Variants in ZNF385D observed in about 807,000 individuals in gnomAD.
The protein encoded by ZNF385D is zinc finger protein 659.
ZNF385D carries 15 observed loss-of-function variants against 35.8 expected under a neutral mutation model. That is an observed-to-expected ratio of 0.42 (90% confidence interval 0.28 to 0.64). The LOEUF (loss-of-function observed/expected upper bound fraction) is 0.64, where lower values mean the gene tolerates loss of function less well. Among genes scored for constraint, ZNF385D ranks in the 30% least tolerant of loss-of-function variants. The probability of loss-of-function intolerance (pLI) is 0.23; values close to 1 mark genes in which losing one functional copy is unlikely to be tolerated. For synonymous variants in ZNF385D, 212 were observed against 186.8 expected (o/e 1.13, Z -1.10); for missense variants, 474 against 494.6 (o/e 0.96, Z 0.39).
At chr3:22,231,730 G>C (rs1698901907) in intron 2 of ZNF385D, among the ~76,000 whole-genome samples, 1 of 152,108 alleles carries the variant, frequency 6.6e-6, no homozygotes, top group Non-Finnish European at 1.5e-5. Context: ...AGAATAATAT[G>C]GTTTGGCTCT....
At chr3:22,231,910 A>G (rs1052844830) in intron 2 of ZNF385D, among the ~76,000 whole-genome samples, 1 of 152,018 alleles carries the variant, frequency 6.6e-6, no homozygotes, top group Admixed American at 6.6e-5. Flanking sequence ...TTAAGAGTAT[A>G]TGGCACCTCT....
At chr3:22,187,902 G>T (rs1393096979) in intron 2 of ZNF385D, among the ~76,000 whole-genome samples, 1 of 152,132 alleles carries the variant, frequency 6.6e-6, no homozygotes, top group East Asian at 1.9e-4. Flanking sequence ...AATGATGCAA[G>T]CTCCACACAC....
At chr3:21,979,058 A>T (rs1694241086) in intron 3 of ZNF385D, among the ~76,000 whole-genome samples, 1 of 152,192 alleles carries the variant, frequency 6.6e-6, no homozygotes. Flanking sequence ...GACACTTAGC[A>T]CAATAGAAAA....
chr3:21,944,947 C>G (rs900161297), intron 3 of ZNF385D, among the ~76,000 whole-genome samples: 1 of 151,884 alleles, frequency 6.6e-6, no homozygotes, highest in Non-Finnish European at 1.5e-5. Flanking sequence ...TTTTGTAACT[C>G]TCATTTACAT....
At chr3:21,789,906 G>C (rs1370222866) in intron 3 of ZNF385D, among the ~76,000 whole-genome samples, 1 of 152,158 alleles carries the variant, frequency 6.6e-6, no homozygotes, top group African/African-American at 2.4e-5. Context: ...ATTATGACAA[G>C]AATATTGGGT....
intron 4 of ZNF385D, among the ~76,000 whole-genome samples, chr3:21,448,464 T>G (rs887981355): frequency 1.3e-5 from 2 of 152,152 alleles, no homozygotes; most frequent in Non-Finnish European, 2.9e-5. Context: ...GATTTCTTGA[T>G]AGAATTTCTC....
chr3:21,492,342 C>A, intron 4 of ZNF385D, among the ~76,000 whole-genome samples: 1 of 147,532 alleles, frequency 6.8e-6, no homozygotes, highest in Non-Finnish European at 1.5e-5. Flanking sequence ...AAAGTGCCCA[C>A]AAATTGAATG....
intron 3 of ZNF385D, among the ~76,000 whole-genome samples, chr3:22,098,142 CT>C (rs1406040589): frequency 1.3e-5 from 2 of 151,996 alleles, no homozygotes; most frequent in Non-Finnish European, 2.9e-5. Context: ...TTTCTCCTAG[CT>C]TTTCAGGAAG....
chr3:22,001,789 G>C (rs1695860155), intron 3 of ZNF385D, among the ~76,000 whole-genome samples: 2 of 151,254 alleles, frequency 1.3e-5, no homozygotes, highest in South Asian at 4.2e-4. Context: ...GACCACATTA[G>C]AAAACAAAGG....
chr3:22,342,633 G>C (rs897107162), intron 2 of ZNF385D, among the ~76,000 whole-genome samples: 2 of 152,156 alleles, frequency 1.3e-5, no homozygotes, highest in African/African-American at 4.8e-5. Flanking sequence ...ACAGTTACTG[G>C]AGCTTTTTAT....
intron 2 of ZNF385D, among the ~76,000 whole-genome samples, chr3:21,596,541 C>T (rs542712384): frequency 9.2e-5 from 14 of 151,624 alleles, no homozygotes; most frequent in East Asian, 3.9e-4. Flanking sequence ...TTTTAGAGAC[C>T]GTCTCTTGCT....
chr3:22,298,305 AC>A (rs1181430818), intron 2 of ZNF385D, among the ~76,000 whole-genome samples: 2 of 151,266 alleles, frequency 1.3e-5, no homozygotes, highest in Non-Finnish European at 3.0e-5. Context: ...TCCATTTAAA[AC>A]AAAGTGAGGA....
At chr3:21,776,437 A>G (rs2071291318) in intron 3 of ZNF385D, among the ~76,000 whole-genome samples, 1 of 151,976 alleles carries the variant, frequency 6.6e-6, no homozygotes, top group Non-Finnish European at 1.5e-5. Flanking sequence ...AGCACTGAAT[A>G]TCCTTTAAAA....
chr3:21,726,539 C>G (rs1191362818), intron 1 of ZNF385D, among the ~76,000 whole-genome samples: 1 of 152,130 alleles, frequency 6.6e-6, no homozygotes, highest in Non-Finnish European at 1.5e-5. Flanking sequence ...CAATAACAAA[C>G]AGAGAGCCAA....
At chr3:21,643,571 A>C (rs747346843) in intron 2 of ZNF385D, among the ~76,000 whole-genome samples, 1 of 152,136 alleles carries the variant, frequency 6.6e-6, no homozygotes, top group South Asian at 2.1e-4. Flanking sequence ...ACAGAATCCC[A>C]GAATGCTCCT....
intron 2 of ZNF385D, among the ~76,000 whole-genome samples, chr3:22,241,365 A>G (rs930809500): frequency 2.0e-5 from 3 of 150,968 alleles, no homozygotes; most frequent in African/African-American, 7.4e-5. Context: ...TTCCTTGTCA[A>G]TTCTATATTG....
chr3:22,040,566 A>C (rs1283962614), intron 3 of ZNF385D, among the ~76,000 whole-genome samples: 1 of 152,226 alleles, frequency 6.6e-6, no homozygotes, highest in Non-Finnish European at 1.5e-5. Flanking sequence ...AAATAATGAT[A>C]ATCACACATT....
At chr3:21,846,924 C>T (rs1696042362) in intron 3 of ZNF385D, among the ~76,000 whole-genome samples, 1 of 151,994 alleles carries the variant, frequency 6.6e-6, no homozygotes, top group African/African-American at 2.4e-5. Context: ...TAGTGGTTTG[C>T]CTGATTTCCT....
chr3:21,566,249 T>TATC (rs1004883016), intron 2 of ZNF385D, among the ~76,000 whole-genome samples: 5 of 147,752 alleles, frequency 3.4e-5, no homozygotes, highest in African/African-American at 9.9e-5. Flanking sequence ...TTAAATTTAT[T>TATC]ATCTAACAAA....
Sources: allele counts gnomAD v4.1 joint callset (sites outside exome capture counted in the v4.1 genomes callset), GRCh38; gene constraint gnomAD v4.1.1; transcripts MANE v1.5; gene names NCBI Gene and HGNC (gene_info 2026-07-23, HGNC 2026-07-21).